Variants in ITCH observed in about 807,000 individuals in gnomAD.
ITCH encodes the protein E3 ubiquitin-protein ligase Itchy homolog.
A neutral mutation model predicts 126.8 loss-of-function variants in ITCH; 28 were observed. The ratio of observed to expected loss-of-function variants is 0.22; its 90% CI spans 0.16 to 0.30. The LOEUF is 0.30. Among genes scored for constraint, ITCH ranks in the 10% least tolerant of loss-of-function variants. ITCH has a pLI of 1.00. For synonymous variants in ITCH, 342 were observed against 340.0 expected, an observed-to-expected ratio of 1.01 and a Z score of -0.06; for missense variants, 631 against 1,032.4, an observed-to-expected ratio of 0.61 and a Z score of 5.33.
chr20:34,443,561 A>G (rs1049894221), intron 10 of ITCH, among the ~76,000 whole-genome samples: 3 of 152,198 alleles, frequency 2.0e-5, no homozygotes, highest in Non-Finnish European at 2.9e-5. Flanking sequence ...TCCAGAGGAA[A>G]GTCAGTAACA....
chr20:34,428,498 G>A (rs1248222629), intron 7 of ITCH, among the ~76,000 whole-genome samples: 1 of 152,044 alleles, frequency 6.6e-6, no homozygotes, highest in African/African-American at 2.4e-5. Flanking sequence ...CTGTTTATTT[G>A]TTTATTTTTA....
intron 20 of ITCH, among the ~76,000 whole-genome samples, chr20:34,487,510 T>G (rs2146500046): frequency 6.6e-6 from 1 of 152,322 alleles, no homozygotes; most frequent in Admixed American, 6.5e-5. Context: ...AAAGCAATTT[T>G]TACTTTCTTT....
chr20:34,371,167 CAA>C (rs1213462396), intron 2 of ITCH, among the ~76,000 whole-genome samples: 7 of 58,598 alleles, frequency 1.2e-4, no homozygotes, highest in African/African-American at 3.8e-4. Flanking sequence ...GACTCCGTCT[CAA>C]AAAAAAAAAA....
intron 8 of ITCH, among the ~76,000 whole-genome samples, chr20:34,439,371 C>T (rs917511728): frequency 2.6e-5 from 4 of 152,182 alleles, no homozygotes; most frequent in African/African-American, 7.2e-5. Flanking sequence ...TTCCCAGGCT[C>T]AAGTGATTGT....
At chr20:34,384,570 T>G (rs2038200952) in intron 2 of ITCH, among the ~76,000 whole-genome samples, 1 of 151,408 alleles carries the variant, frequency 6.6e-6, no homozygotes, top group African/African-American at 2.4e-5. Flanking sequence ...TGAGCCGCCG[T>G]GCCCAGCTGC....
At chr20:34,476,448 C>CA (rs1988239511) in intron 16 of ITCH, 4 of 1,218,174 alleles carry the variant, frequency 3.3e-6, no homozygotes. Context: ...CGGCGCGCAG[C>CA]AGCCGGGCGC....
rs922027974 is a variant in ITCH, at chr20:34,440,936, GA to G, written c.869+598del. ...TCCAATTGCCTTTTTCTTTAAGGGGGAAAAAATCCCTTTTTAATATCAAACT... is the reference window on the plus strand; with the variant it reads ...TCCAATTGCCTTTTTCTTTAAGGGGGAAAAATCCCTTTTTAATATCAAACT... On this transcript the variant is annotated intron_variant, in intron 9 of 24. Coordinates refer to ENST00000374864, the MANE Select transcript of ITCH (RefSeq NM_031483.7). Among the ~76,000 whole-genome samples the G allele has an allele frequency of 5.3e-5, 8 of 152,090 alleles. No individual in the cohort carries two copies. The South Asian group carries it at 6.2e-4, about 12-fold the overall frequency.
intron 17 of ITCH, among the ~76,000 whole-genome samples, chr20:34,479,310 A>G (rs756071227): frequency 2.6e-5 from 4 of 152,210 alleles, no homozygotes; most frequent in Non-Finnish European, 4.4e-5. Flanking sequence ...TAATATTTTC[A>G]TTTTATAATA....
At chr20:34,441,956 C>T in intron 9 of ITCH, 1 of 472,454 alleles carries the variant, frequency 2.1e-6, no homozygotes, top group South Asian at 2.1e-5. Flanking sequence ...AGACGGACCT[C>T]AAGCCTCTTC....
intron 12 of ITCH, among the ~76,000 whole-genome samples, chr20:34,455,291 C>G (rs1318007656): frequency 6.6e-6 from 1 of 152,126 alleles, no homozygotes; most frequent in Admixed American, 6.5e-5. Context: ...ATTCTATGAT[C>G]TTTAATACAT....
At chr20:34,450,178 TG>T (rs1280516442) in intron 12 of ITCH, among the ~76,000 whole-genome samples, 1 of 152,256 alleles carries the variant, frequency 6.6e-6, no homozygotes, top group Non-Finnish European at 1.5e-5. Context: ...ATGCCACTTC[TG>T]TGGTTTTGAT....
chr20:34,406,620 C>T (rs960489766), intron 3 of ITCH, among the ~76,000 whole-genome samples: 67 of 151,660 alleles, frequency 4.4e-4, no homozygotes, highest in African/African-American at 1.6e-3. Flanking sequence ...CTGCAATCTC[C>T]GCCTCCCAGG....
chr20:34,440,292 G>A lies in ITCH; in HGVS notation c.817G>A (p.Gly273Ser). 6.2e-7 allele frequency: 1 copy of A among 1,614,134 alleles called. No individual in the cohort carries two copies. Among genetic ancestry groups the A allele is most frequent in the Non-Finnish European group, 8.5e-7 (1 of 1,179,994 alleles). ...GLIIPLTISG[G>S]SGPRPLNPVT... is the part of the protein sequence containing the mutation. ...AATAATTCCTCTTACTATATCTGGAGGCTCAGGCCCTAGGCCATTAAATCC... is the reference window on the plus strand; with the variant it reads ...AATAATTCCTCTTACTATATCTGGAAGCTCAGGCCCTAGGCCATTAAATCC... The change falls in exon 9 of 25, where the codon GGC becomes AGC. Residue 273 changes from glycine (G) to serine (S), a missense_variant. By Grantham distance (56) the Gly-to-Ser change is moderately conservative (BLOSUM62 0). This residue lies in a region of ITCH where 390 missense variants were observed against 731.6 expected (regional missense o/e 0.53). Transcript: ENST00000374864.
chr20:34,375,320 C>T lies in ITCH; in HGVS notation c.-22+5850C>T, dbSNP rs958798383. On this transcript the variant is annotated intron_variant, in intron 2 of 24. Transcript: ENST00000374864. Reference sequence around the variant, plus strand: ...CCTCCCAAAATGCTGAGATTACAGGCGTGAGCCACCGCACCTGGCCTTTTT... The same window carrying T: ...CCTCCCAAAATGCTGAGATTACAGGTGTGAGCCACCGCACCTGGCCTTTTT... Among the ~76,000 whole-genome samples the T allele has an allele frequency of 6.9e-5, 10 of 145,294 alleles. No individual in the cohort carries two copies. The South Asian group carries it at 1.5e-3, about 22-fold the overall frequency.
At chr20:34,373,615 A>G (rs1479129291) in intron 2 of ITCH, among the ~76,000 whole-genome samples, 1 of 152,058 alleles carries the variant, frequency 6.6e-6, no homozygotes, top group Non-Finnish European at 1.5e-5. Flanking sequence ...CATTGCAGGG[A>G]CTTATGGTGA....
At chr20:34,499,338 G>A (rs1465317156) in intron 23 of ITCH, among the ~76,000 whole-genome samples, 1 of 137,104 alleles carries the variant, frequency 7.3e-6, no homozygotes, top group Non-Finnish European at 1.5e-5. Context: ...CCAGGCTGGA[G>A]TGCAAATGGG....
At chr20:34,504,785 A>G (rs967252171) in intron 24 of ITCH, among the ~76,000 whole-genome samples, 4 of 152,318 alleles carry the variant, frequency 2.6e-5, no homozygotes, top group African/African-American at 9.6e-5. Context: ...ATATATTAAT[A>G]TTTTGGAATT....
In ITCH at chr20:34,372,384, C is replaced by CTTTTTTTTTTTTTTTTTTT. The variant is rs779017298; in HGVS notation, c.-22+2928_-22+2929insTTTTTTTTTTTTTTTTTTT. 4.3e-4 allele frequency among the ~76,000 whole-genome samples: 40 copies of CTTTTTTTTTTTTTTTTTTT among 93,146 alleles called. 4 individuals are homozygous for CTTTTTTTTTTTTTTTTTTT. Among genetic ancestry groups the CTTTTTTTTTTTTTTTTTTT allele is most frequent in the African/African-American group, 1.1e-3 (23 of 21,514 alleles). The allele number at this position is 93,146 out of a possible 152,430, so 61.1% of individuals were successfully genotyped here. On this transcript the variant is annotated intron_variant, in intron 2 of 24. Transcript: ENST00000374864. The stretch of plus-strand genomic sequence containing the variant: ...AGAAACCATGTTATTTTAAGTTCTA[C>CTTTTTTTTTTTTTTTTTTT]TTTTTTTTTTTTTTGAGAGGGAATC...
intron 6 of ITCH, chr20:34,417,372 A>G (rs1162216396): frequency 3.7e-6 from 1 of 272,418 alleles, no homozygotes; most frequent in East Asian, 8.4e-5. Context: ...TGCTGGGATT[A>G]CAGGCGTGAG....
Sources: allele counts gnomAD v4.1 joint callset (sites outside exome capture counted in the v4.1 genomes callset), GRCh38; gene constraint gnomAD v4.1.1; regional missense constraint gnomAD v4.1.1; transcripts MANE v1.5; gene names NCBI Gene and HGNC (gene_info 2026-07-23, HGNC 2026-07-21).